The following CCDC125 variants were observed in gnomAD, a reference collection of about 807,000 sequenced individuals.
CCDC125 encodes coiled-coil domain-containing protein 125.
A neutral mutation model predicts 57.4 loss-of-function variants in CCDC125; 43 were observed. The ratio of observed to expected loss-of-function variants is 0.75; its 90% CI spans 0.59 to 0.97. The LOEUF is 0.97. Ranked by LOEUF, CCDC125 falls within the 50% of genes least tolerant of loss-of-function variation. CCDC125 has a pLI of 0.00. For synonymous variants in CCDC125, 187 were observed against 195.2 expected, an observed-to-expected ratio of 0.96 and a Z score of 0.35; for missense variants, 563 against 595.7, an observed-to-expected ratio of 0.95 and a Z score of 0.57.
At chr5:69,322,807 C>T (rs550581824) in intron 1 of CCDC125, among the ~76,000 whole-genome samples, 28 of 151,460 alleles carry the variant, frequency 1.8e-4, no homozygotes, top group Non-Finnish European at 3.4e-4. Flanking sequence ...ATGATACACC[C>T]GCCTTGGCCT....
At chr5:69,305,215 GT>G (rs1035168339) in intron 6 of CCDC125, among the ~76,000 whole-genome samples, 4 of 151,284 alleles carry the variant, frequency 2.6e-5, no homozygotes, top group South Asian at 4.2e-4. Flanking sequence ...AGTCTTTCTG[GT>G]TTTTTTTTCT....
In CCDC125 at chr5:69,281,091, T is replaced by C. The variant is rs1752443908; in HGVS notation, c.*1638A>G. The C allele has an allele frequency of 6.6e-6, 1 of 152,266 alleles. No homozygotes were observed. Among genetic ancestry groups the C allele is most frequent in the African/African-American group, 2.4e-5 (1 of 41,458 alleles). 9.4% of individuals were successfully genotyped at this position (152,266 alleles called of 1,614,324 possible). The stretch of plus-strand genomic sequence containing the variant: ...ACCCGGCCTTGATAGCCATTTGTTT[T>C]CATACACAGCAGCAATTAGTAGCCA... On this transcript the variant is annotated 3_prime_UTR_variant, in exon 12 of 12. Coordinates refer to ENST00000396496, the MANE Select transcript of CCDC125 (RefSeq NM_176816.5).
At chr5:69,287,784 G>C (rs151095760) in intron 10 of CCDC125, among the ~76,000 whole-genome samples, 3,599 of 149,796 alleles carry the variant, frequency 0.024, 143 homozygotes, top group African/African-American at 0.083. Context: ...GCCCAGCCTG[G>C]TCTCAAACTC....
In CCDC125 at chr5:69,303,172, A is replaced by G. The variant is rs1756770988; in HGVS notation, c.700+675T>C. Among the ~76,000 whole-genome samples, 6 of 152,146 alleles carry G rather than the reference A, an allele frequency of 3.9e-5. No homozygotes were observed. The South Asian group carries it at 1.2e-3, about 32-fold the overall frequency. On this transcript the variant is annotated intron_variant, in intron 7 of 11. Coordinates refer to ENST00000396496, the MANE Select transcript of CCDC125 (RefSeq NM_176816.5). Reference sequence around the variant, plus strand: ...GTAGCTGGGACTACAGGCCAGTGCCACCACATCTGGCTAATTTTGGTTTTT... The same window carrying G: ...GTAGCTGGGACTACAGGCCAGTGCCGCCACATCTGGCTAATTTTGGTTTTT...
intron 10 of CCDC125, among the ~76,000 whole-genome samples, chr5:69,287,556 C>T (rs1393720789): frequency 2.0e-5 from 3 of 151,636 alleles, no homozygotes; most frequent in Non-Finnish European, 4.4e-5. Flanking sequence ...CCACTGCACC[C>T]GGCCATCAGT....
intron 5 of CCDC125, 61 bp downstream of exon 5, chr5:69,307,889 TA>T: frequency 7.7e-7 from 1 of 1,303,484 alleles, no homozygotes; most frequent in South Asian, 1.2e-5. Context: ...ATGGTGAGTT[TA>T]GGGAAATTAT....
At chr5:69,331,661 T>C (rs762418345) in intron 1 of CCDC125, among the ~76,000 whole-genome samples, 37 of 152,352 alleles carry the variant, frequency 2.4e-4, no homozygotes, top group Non-Finnish European at 2.5e-4. Context: ...ACTCTGCGCT[T>C]CCACGTAAGA....
downstream of CCDC125, chr5:69,276,842 G>A (rs1031098101): frequency 4.3e-5 from 32 of 735,790 alleles, no homozygotes; most frequent in African/African-American, 8.9e-5. Context: ...AGACTGTGCC[G>A]TTTTAGGTAT....
At chr5:69,309,923 T>G (rs943845342) in intron 4 of CCDC125, 2 of 152,222 alleles carry the variant, frequency 1.3e-5, no homozygotes, top group Admixed American at 1.3e-4. Context: ...TTTTGGAGCT[T>G]TAAAATTTGA....
At chr5:69,302,803 A>T (rs1298366664) in intron 7 of CCDC125, among the ~76,000 whole-genome samples, 3 of 152,124 alleles carry the variant, frequency 2.0e-5, no homozygotes, top group African/African-American at 7.2e-5. Flanking sequence ...TATATAAGAG[A>T]TATATAACAT....
intron 1 of CCDC125, among the ~76,000 whole-genome samples, chr5:69,324,911 C>T (rs749672774): frequency 6.6e-6 from 1 of 152,132 alleles, no homozygotes; most frequent in African/African-American, 2.4e-5. Flanking sequence ...AAAACTAACA[C>T]ACAATGATGG....
intron 3 of CCDC125, chr5:69,313,712 C>T: frequency 2.6e-6 from 2 of 769,054 alleles, no homozygotes; most frequent in Non-Finnish European, 4.9e-6. Context: ...CCAGTATCTC[C>T]TTGCCCTCCC....
intron 2 of CCDC125, among the ~76,000 whole-genome samples, chr5:69,316,310 A>G (rs1759092308): frequency 6.6e-6 from 1 of 152,194 alleles, no homozygotes; most frequent in South Asian, 2.1e-4. Flanking sequence ...AGTACTCTGG[A>G]TTATCCAAGT....
At chr5:69,293,462 CA>C (rs1754812686) in intron 9 of CCDC125, among the ~76,000 whole-genome samples, 1 of 151,890 alleles carries the variant, frequency 6.6e-6, no homozygotes. Context: ...CCAGCCTGGC[CA>C]ACATAGTGAA....
Position 69,282,937 on chromosome 5 carries a change from T to C in CCDC125, c.1328A>G (p.Lys443Arg). The change falls in exon 12 of 12, where the codon AAA (lysine) becomes AGA (arginine). Residue 443 changes from lysine to arginine, a missense_variant. By Grantham distance (26) the Lys-to-Arg change is conservative. Transcript: ENST00000396496. ...EDKDTASNEN[K>R]EKNPIKENFP... is the part of the protein sequence containing the mutation. ...ATTCTCTTTTATAGGATTTTTTTCT[T>C]TATTCTCGTTTGAAGCAGTGTCTTT... 1 of 1,614,054 alleles carries C rather than the reference T, an allele frequency of 6.2e-7. No individual in the cohort carries two copies. The highest frequency in any genetic ancestry group is 8.5e-7 in the Non-Finnish European group (1 of 1,180,022).
intron 1 of CCDC125, among the ~76,000 whole-genome samples, chr5:69,321,854 T>C (rs115386104): frequency 9.8e-4 from 149 of 152,328 alleles, no homozygotes; most frequent in African/African-American, 3.5e-3. Context: ...TTTTTTCTTT[T>C]AGACGGAGCT....
intron 2 of CCDC125, among the ~76,000 whole-genome samples, chr5:69,319,022 G>C (rs1181639486): frequency 6.6e-6 from 1 of 151,600 alleles, no homozygotes; most frequent in Admixed American, 6.6e-5. Context: ...CCACCTCCCG[G>C]GTTCAAGCAA....
chr5:69,321,950 C>A (rs1401179242), intron 1 of CCDC125, among the ~76,000 whole-genome samples: 1 of 152,254 alleles, frequency 6.6e-6, no homozygotes, highest in East Asian at 1.9e-4. Context: ...GATTATCCTG[C>A]CTCAGCCTCC....
chr5:69,290,363 C>T (rs376302684), intron 10 of CCDC125, among the ~76,000 whole-genome samples: 35 of 151,186 alleles, frequency 2.3e-4, no homozygotes, highest in Admixed American at 6.6e-4. Flanking sequence ...AGTACAGTGG[C>T]GCAATCTTGG....
Sources: allele counts gnomAD v4.1 joint callset (sites outside exome capture counted in the v4.1 genomes callset), GRCh38; gene constraint gnomAD v4.1.1; transcripts MANE v1.5; gene names NCBI Gene and HGNC (gene_info 2026-07-23, HGNC 2026-07-21).